The following SHANK2 variants were observed in gnomAD, a reference collection of about 807,000 sequenced individuals.
The protein encoded by SHANK2 is SH3 and multiple ankyrin repeat domains protein 2.
A neutral mutation model predicts 133.7 loss-of-function variants in SHANK2; 43 were observed. The observed-to-expected ratio is 0.32, with a 90% CI of 0.25 to 0.41. The LOEUF is 0.41. Ranked by LOEUF, SHANK2 falls within the 10% of genes least tolerant of loss-of-function variation. SHANK2 has a pLI of 1.00. For synonymous variants in SHANK2, 1,017 were observed against 952.8 expected, an observed-to-expected ratio of 1.07 and a Z score of -1.24; for missense variants, 1,994 against 2,235.8, an observed-to-expected ratio of 0.89 and a Z score of 2.18.
intron 17 of SHANK2, among the ~76,000 whole-genome samples, chr11:70,575,518 C>CAAAAAAAAAA (rs71049923): frequency 7.9e-5 from 11 of 139,592 alleles, no homozygotes; most frequent in African/African-American, 3.1e-4. Flanking sequence ...GACTCTGCCT[C>CAAAAAAAAAA]AAAAAAAAAA....
rs185426927 is a variant in SHANK2 at position 71,208,215 on chromosome 11, T to A, written c.-13+16482A>T. ...GGCAGGAGGGTGCCCTGGAGGGGCA[T>A]GAGCTGGAAGTGGGCATTGCTGGTT... is the stretch of plus-strand genomic sequence containing the variant. On this transcript the variant is annotated intron_variant, in intron 2 of 25. Coordinates refer to ENST00000601538, the MANE Select transcript of SHANK2 (RefSeq NM_012309.5). 2.0e-5 allele frequency among the ~76,000 whole-genome samples: 3 copies of A among 151,982 alleles called. No homozygotes were observed. The East Asian group carries it at 5.9e-4, about 30-fold the overall frequency.
chr11:70,826,722 C>A (rs942537573), intron 11 of SHANK2: 8 of 330,832 alleles, frequency 2.4e-5, no homozygotes, highest in Non-Finnish European at 6.1e-6. Flanking sequence ...AGCTGGGAAC[C>A]AACTGCACGT....
At chr11:70,933,445 C>T (rs1555082866) in intron 10 of SHANK2, among the ~76,000 whole-genome samples, 1 of 152,212 alleles carries the variant, frequency 6.6e-6, no homozygotes, top group African/African-American at 2.4e-5. Context: ...GTCATGGCTA[C>T]ACCACCCCAT....
chr11:70,914,897 T>TA lies in SHANK2; in HGVS notation c.1108-18331dup, dbSNP rs879975114. ...CTGTTGACAAAGCGAGACTCTGTCT[T>TA]AAAAAAAAAAAAAAGAAAGAAAGAA... On this transcript the variant is annotated intron_variant, in intron 10 of 25. Transcript: ENST00000601538. 9.6e-3 allele frequency among the ~76,000 whole-genome samples: 1,150 copies of TA among 120,206 alleles called. 12 individuals carry two copies. Among genetic ancestry groups the TA allele is most frequent in the Non-Finnish European group, 0.012 (691 of 57,062 alleles). The allele number at this position is 120,206 out of a possible 152,430, so 78.9% of individuals were successfully genotyped here.
intron 12 of SHANK2, among the ~76,000 whole-genome samples, chr11:70,812,305 G>A (rs1470202179): frequency 6.6e-6 from 1 of 152,250 alleles, no homozygotes; most frequent in East Asian, 1.9e-4. Flanking sequence ...CCAGAGTGGT[G>A]TACACGGTTG....
intron 10 of SHANK2, among the ~76,000 whole-genome samples, chr11:70,910,818 A>C (rs1555078835): frequency 6.6e-6 from 1 of 152,058 alleles, no homozygotes; most frequent in Non-Finnish European, 1.5e-5. Flanking sequence ...AAAAAAAAAA[A>C]AAAGTTGAAA....
At chr11:70,890,893 GGCGGAGGTTGCAATGA>G (rs1270906170) in intron 11 of SHANK2, among the ~76,000 whole-genome samples, 1 of 152,016 alleles carries the variant, frequency 6.6e-6, no homozygotes, top group African/African-American at 2.4e-5. Flanking sequence ...GAACCCGGGA[GGCGGAGGTTGCAATGA>G]GCCAAGATCG....
chr11:70,586,335 G>A (rs1385557876), intron 17 of SHANK2, among the ~76,000 whole-genome samples: 1 of 152,198 alleles, frequency 6.6e-6, no homozygotes, highest in Non-Finnish European at 1.5e-5. Flanking sequence ...ATCTTTAAAA[G>A]CTGGGCACAA....
chr11:70,620,569 T>C (rs11603290), intron 17 of SHANK2, among the ~76,000 whole-genome samples: 2,198 of 150,942 alleles, frequency 0.015, 23 homozygotes, highest in Middle Eastern at 0.027. Flanking sequence ...ATCTGGGTTG[T>C]TGCATTAAGG....
intron 11 of SHANK2, chr11:70,873,197 C>G (rs1555070552): frequency 2.2e-6 from 1 of 454,806 alleles, no homozygotes; most frequent in Non-Finnish European, 4.6e-6. Context: ...AGAGGCTATT[C>G]TCAGACACTA....
intron 3 of SHANK2, among the ~76,000 whole-genome samples, chr11:71,138,832 A>T (rs1250648567): frequency 3.3e-5 from 5 of 149,996 alleles, no homozygotes; most frequent in Non-Finnish European, 7.4e-5. Context: ...AAAGAAAAAG[A>T]AAAATCTGAG....
chr11:70,616,550 C>T (rs111311429), intron 17 of SHANK2, among the ~76,000 whole-genome samples: 3 of 152,262 alleles, frequency 2.0e-5, no homozygotes, highest in Admixed American at 6.5e-5. Context: ...GGCCAGGCCA[C>T]GAGGACAGAG....
At position 70,746,502 on chromosome 11, in the gene SHANK2, C is replaced by T. The variant is rs549012877; in HGVS notation, c.1778-47739G>A. Among the ~76,000 whole-genome samples the T allele has an allele frequency of 2.5e-3, 376 of 151,128 alleles. 2 individuals are homozygous for T. In the Middle Eastern group the frequency reaches 0.031, roughly 12 times the overall value. ...GGACCTTCCTTCAGGGCGGGGGATG[C>T]GGGGTGCCCCGTGCTCACAGCACGC... On this transcript the variant is annotated intron_variant, in intron 14 of 25. Coordinates refer to ENST00000601538, the MANE Select transcript of SHANK2 (RefSeq NM_012309.5).
At chr11:70,846,420 T>C (rs1166356948) in intron 11 of SHANK2, among the ~76,000 whole-genome samples, 3 of 152,038 alleles carry the variant, frequency 2.0e-5, no homozygotes, top group Non-Finnish European at 4.4e-5. Flanking sequence ...TGTGCCACCA[T>C]GCCCGGCTAA....
intron 17 of SHANK2, among the ~76,000 whole-genome samples, chr11:70,546,083 AATTT>A (rs1244010527): frequency 1.4e-5 from 2 of 142,536 alleles, no homozygotes; most frequent in African/African-American, 5.1e-5. Context: ...GTTTTTTATA[AATTT>A]ATTTATTTAA....
intron 10 of SHANK2, among the ~76,000 whole-genome samples, chr11:70,901,994 T>C (rs1457480762): frequency 1.3e-5 from 2 of 152,158 alleles, no homozygotes; most frequent in Non-Finnish European, 2.9e-5. Flanking sequence ...TTGGGAGGCA[T>C]CTGGGGACAG....
At chr11:70,847,351 T>C (rs1949012464) in intron 11 of SHANK2, among the ~76,000 whole-genome samples, 1 of 152,192 alleles carries the variant, frequency 6.6e-6, no homozygotes, top group East Asian at 1.9e-4. Flanking sequence ...AATGCAGCCT[T>C]GTCTCACAGG....
chr11:70,518,881 G>T (rs2059297641), intron 17 of SHANK2, among the ~76,000 whole-genome samples: 1 of 152,164 alleles, frequency 6.6e-6, no homozygotes, highest in South Asian at 2.1e-4. Context: ...AACTTCTGTT[G>T]CTCCTTCTCC....
intron 11 of SHANK2, chr11:70,863,178 GT>G: frequency 2.7e-6 from 1 of 370,274 alleles, no homozygotes; most frequent in South Asian, 2.0e-5. Flanking sequence ...CAGACAGCAG[GT>G]GAGAGAGGTC....
Sources: gnomAD v4.1 joint callset for allele counts (sites outside exome capture counted in the v4.1 genomes callset) on GRCh38, gnomAD v4.1.1 for gene constraint, MANE v1.5 for transcripts, NCBI Gene and HGNC (gene_info 2026-07-23, HGNC 2026-07-21) for gene names.